RFX3: variants seen among roughly 807,000 people sequenced by gnomAD.
RFX3 encodes the protein transcription factor RFX3.
In RFX3, 14 loss-of-function variants were observed where a neutral mutation model predicts 98.6. The ratio of observed to expected loss-of-function variants is 0.14; its 90% CI spans 0.09 to 0.22. The LOEUF (loss-of-function observed/expected upper bound fraction) is 0.22. Among genes scored for constraint, RFX3 ranks in the 10% least tolerant of loss-of-function variants. RFX3 has a pLI of 1.00. For synonymous variants in RFX3, 383 were observed against 328.4 expected, an observed-to-expected ratio of 1.17 and a Z score of -1.80; for missense variants, 639 against 926.9, an observed-to-expected ratio of 0.69 and a Z score of 4.03.
At chr9:3,379,452 T>C (rs941265390) in intron 2 of RFX3, among the ~76,000 whole-genome samples, 1 of 152,188 alleles carries the variant, frequency 6.6e-6, no homozygotes, top group African/African-American at 2.4e-5. Flanking sequence ...TGATATCACT[T>C]AGCTTTAACA....
chr9:3,303,629 C>T (rs1828925810), intron 4 of RFX3, among the ~76,000 whole-genome samples: 1 of 150,650 alleles, frequency 6.6e-6, no homozygotes, highest in African/African-American at 2.4e-5. Context: ...TTGGATAAAC[C>T]AGCACTTCTT....
chr9:3,385,499 TG>T (rs762630940), intron 2 of RFX3, among the ~76,000 whole-genome samples: 7 of 151,154 alleles, frequency 4.6e-5, no homozygotes, highest in Admixed American at 1.3e-4. Flanking sequence ...TCACCTAAGG[TG>T]AGTTCAAGAC....
chr9:3,421,603 T>C (rs757568749), intron 1 of RFX3, among the ~76,000 whole-genome samples: 2 of 152,224 alleles, frequency 1.3e-5, no homozygotes, highest in Non-Finnish European at 2.9e-5. Context: ...GTCCTTGACC[T>C]ATATGAATTC....
chr9:3,380,314 A>C lies in RFX3; in HGVS notation c.117+15158T>G, dbSNP rs182727457. ...TACCACCCTCTCTAGAAAGTTTCCCACAGCTTCCTCCTCCCACCAACTGAC... is the reference window on the plus strand; with the variant it reads ...TACCACCCTCTCTAGAAAGTTTCCCCCAGCTTCCTCCTCCCACCAACTGAC... On this transcript the variant is annotated intron_variant, in intron 2 of 16. Transcript: ENST00000617270. Among the ~76,000 whole-genome samples the C allele has an allele frequency of 2.6e-5, 4 of 152,296 alleles. No homozygotes were observed. The East Asian group carries it at 7.7e-4, about 29-fold the overall frequency.
chr9:3,231,742 A>G (rs1818475380), intron 15 of RFX3, among the ~76,000 whole-genome samples: 2 of 152,212 alleles, frequency 1.3e-5, no homozygotes, highest in African/African-American at 2.4e-5. Flanking sequence ...TAGGGGCCAG[A>G]TGACAAGATT....
chr9:3,407,502 C>T (rs1344097238), intron 1 of RFX3, among the ~76,000 whole-genome samples: 1 of 151,998 alleles, frequency 6.6e-6, no homozygotes, highest in Non-Finnish European at 1.5e-5. Flanking sequence ...TAGAAATAGG[C>T]AGAGTGAGAA....
At position 3,383,134 on chromosome 9, in the gene RFX3, T is replaced by TTAA. The variant is rs1839364803; in HGVS notation, c.117+12337_117+12338insTTA. Reference sequence around the variant, plus strand: ...CGCAGATTACCCAGATGCTAATATTTTACTACATGGATTTTATCATTTTTC... The same window carrying TTAA: ...CGCAGATTACCCAGATGCTAATATTTTAATACTACATGGATTTTATCATTTTTC... On this transcript the variant is annotated intron_variant, in intron 2 of 16. Transcript: ENST00000617270. Among the ~76,000 whole-genome samples, 3 of 152,302 alleles carry TTAA rather than the reference T, an allele frequency of 2.0e-5. No homozygotes were observed. The South Asian group carries it at 6.2e-4, about 32-fold the overall frequency.
At chr9:3,406,699 C>T (rs1842006207) in intron 1 of RFX3, among the ~76,000 whole-genome samples, 2 of 152,140 alleles carry the variant, frequency 1.3e-5, no homozygotes, top group South Asian at 4.1e-4. Context: ...GCATATTCTA[C>T]ACAATTTTTT....
intron 5 of RFX3, among the ~76,000 whole-genome samples, chr9:3,297,264 T>G (rs1293834671): frequency 6.6e-6 from 1 of 152,050 alleles, no homozygotes; most frequent in Admixed American, 6.6e-5. Flanking sequence ...AAATGTATGC[T>G]GACTTCAAAA....
At chr9:3,372,754 T>A (rs1172969628) in intron 2 of RFX3, among the ~76,000 whole-genome samples, 1 of 151,834 alleles carries the variant, frequency 6.6e-6, no homozygotes, top group Non-Finnish European at 1.5e-5. Flanking sequence ...CCTAGCTAAT[T>A]TTTGTGTTTT....
At position 3,475,798 on chromosome 9, in the gene RFX3, G is replaced by T. The variant is rs185251937; in HGVS notation, c.-9+49949C>A. Among the ~76,000 whole-genome samples, 12 of 152,322 alleles carry T rather than the reference G, an allele frequency of 7.9e-5. No individual in the cohort carries two copies. In the East Asian group the frequency reaches 2.3e-3, roughly 29 times the overall value. The stretch of plus-strand genomic sequence containing the variant: ...ATAACTGTGGGCAGGCTTGACTGAT[G>T]TCAGGCCCTCCACAAGAGGTGGAGT... On this transcript the variant is annotated intron_variant, in intron 1 of 16. Transcript: ENST00000617270.
chr9:3,227,765 T>C (rs1353634087), intron 16 of RFX3, among the ~76,000 whole-genome samples: 1 of 152,240 alleles, frequency 6.6e-6, no homozygotes, highest in Non-Finnish European at 1.5e-5. Flanking sequence ...CATTGACTTA[T>C]TTTTCTAAGG....
At chr9:3,361,416 A>G (rs935753545) in intron 2 of RFX3, among the ~76,000 whole-genome samples, 2 of 152,150 alleles carry the variant, frequency 1.3e-5, no homozygotes, top group Non-Finnish European at 2.9e-5. Flanking sequence ...ACACAAGAAA[A>G]GAAAAAGCAT....
At chr9:3,283,336 A>T (rs998166652) in intron 7 of RFX3, among the ~76,000 whole-genome samples, 1 of 151,736 alleles carries the variant, frequency 6.6e-6, no homozygotes, top group African/African-American at 2.4e-5. Flanking sequence ...TATTAAAAAA[A>T]TTTTCAGATA....
At position 3,475,963 on chromosome 9, in the gene RFX3, G is replaced by A. The variant is rs181867242; in HGVS notation, c.-9+49784C>T. On this transcript the variant is annotated intron_variant, in intron 1 of 16. Coordinates refer to ENST00000617270, the MANE Select transcript of RFX3 (RefSeq NM_001282116.2). ...AACAGGCATCTTCCCAGACGCTGGC[G>A]TTACCGCTAGACCAAGGAGCTCTCT... is the stretch of plus-strand genomic sequence containing the variant. Among the ~76,000 whole-genome samples the A allele has an allele frequency of 3.6e-3, 546 of 152,254 alleles. 4 individuals carry two copies. The highest frequency in any genetic ancestry group is 0.012 in the African/African-American group (510 of 41,556).
At position 3,224,693 on chromosome 9, in the gene RFX3, A is replaced by G. The variant is rs2130546818; in HGVS notation, c.*349T>C. 5.6e-6 allele frequency: 1 copy of G among 178,894 alleles called. No individual in the cohort carries two copies. Among genetic ancestry groups the G allele is most frequent in the Non-Finnish European group, 1.2e-5 (1 of 84,266 alleles). 11.1% of individuals were successfully genotyped at this position (178,894 alleles called of 1,614,324 possible). A position where few individuals can be genotyped will look rare whatever the true frequency, so the allele number is the denominator to read the frequency against. ...TCTAATTAAAAAACTTACACATGAA[A>G]TCATACACCAAGACTAACAATCAAC... On this transcript the variant is annotated 3_prime_UTR_variant, in exon 17 of 17. Transcript: ENST00000617270.
At chr9:3,522,060 T>C (rs1298133924) in intron 1 of RFX3, among the ~76,000 whole-genome samples, 1 of 152,102 alleles carries the variant, frequency 6.6e-6, no homozygotes, top group Middle Eastern at 3.2e-3. Context: ...AAAAAACTTT[T>C]CCTAGAAAAC....
chr9:3,389,722 T>C (rs1273388732), intron 2 of RFX3, among the ~76,000 whole-genome samples: 2 of 152,248 alleles, frequency 1.3e-5, no homozygotes, highest in Middle Eastern at 3.4e-3. Context: ...CTTCAGGCTA[T>C]GTGTATAAGG....
At chr9:3,262,623 G>A (rs1823064638) in intron 13 of RFX3, among the ~76,000 whole-genome samples, 1 of 152,216 alleles carries the variant, frequency 6.6e-6, no homozygotes, top group Non-Finnish European at 1.5e-5. Context: ...CCCACAGCTG[G>A]TATATGAGAC....
Sources: allele counts gnomAD v4.1 joint callset (sites outside exome capture counted in the v4.1 genomes callset), GRCh38; gene constraint gnomAD v4.1.1; transcripts MANE v1.5; gene names NCBI Gene and HGNC (gene_info 2026-07-23, HGNC 2026-07-21).